The following MYO5B variants were observed in gnomAD, a reference collection of about 807,000 sequenced individuals.
MYO5B encodes myosin VB.
In MYO5B, 143 loss-of-function variants were observed where a neutral mutation model predicts 229.3. The ratio of observed to expected loss-of-function variants is 0.62; its 90% CI spans 0.54 to 0.72. The LOEUF is 0.72. MYO5B is among the 30% of genes least tolerant of loss of function. MYO5B has a pLI of 0.00. For synonymous variants in MYO5B, 918 were observed against 885.2 expected, an observed-to-expected ratio of 1.04 and a Z score of -0.66; for missense variants, 2,321 against 2,331.0, an observed-to-expected ratio of 1.00 and a Z score of 0.09.
At chr18:49,946,164 T>G (rs371913311) in intron 14 of MYO5B, 6 of 151,962 alleles carry the variant, frequency 3.9e-5, no homozygotes, top group African/African-American at 1.5e-4. Context: ...CAGGTACAGA[T>G]TGAGTATCCG....
chr18:49,837,482 T>A (rs1210932502), intron 37 of MYO5B, 35 bp downstream of exon 37: 1 of 1,612,750 alleles, frequency 6.2e-7, no homozygotes, highest in African/African-American at 1.3e-5. Flanking sequence ...GAGGGCCCAC[T>A]CTATCTGTGT....
intron 1 of MYO5B, among the ~76,000 whole-genome samples, chr18:50,078,790 G>A (rs2031147186): frequency 6.6e-6 from 1 of 151,834 alleles, no homozygotes; most frequent in East Asian, 1.9e-4. Flanking sequence ...ACAAGTACAA[G>A]ACTATGCCCA....
At chr18:50,096,791 C>T (rs1283574311) in intron 1 of MYO5B, among the ~76,000 whole-genome samples, 2 of 152,220 alleles carry the variant, frequency 1.3e-5, no homozygotes, top group African/African-American at 4.8e-5. Flanking sequence ...ATTTCCTCTT[C>T]TCAATGTCTC....
intron 5 of MYO5B, among the ~76,000 whole-genome samples, chr18:49,994,568 T>A (rs961196140): frequency 3.9e-5 from 6 of 152,178 alleles, no homozygotes; most frequent in African/African-American, 1.2e-4. Context: ...AAGGGCATCT[T>A]GGTGCTTGGA....
chr18:49,881,169 G>C (rs908403706), intron 22 of MYO5B, among the ~76,000 whole-genome samples: 1 of 152,140 alleles, frequency 6.6e-6, no homozygotes, highest in African/African-American at 2.4e-5. Context: ...AGTCCAACAG[G>C]GATTGGGTCC....
At chr18:50,151,483 C>G (rs899492760) in intron 1 of MYO5B, among the ~76,000 whole-genome samples, 1 of 152,126 alleles carries the variant, frequency 6.6e-6, no homozygotes, top group Non-Finnish European at 1.5e-5. Flanking sequence ...TATTCAAAGC[C>G]TTCTTGGATA....
At chr18:50,167,376 C>T (rs112180376) in intron 1 of MYO5B, among the ~76,000 whole-genome samples, 1,587 of 152,252 alleles carry the variant, frequency 0.01, 28 homozygotes, top group African/African-American at 0.036. Context: ...AATAAGAAGG[C>T]TTAAGTTTCA....
chr18:49,850,688 A>G (rs1453734287), intron 31 of MYO5B: 1 of 152,174 alleles, frequency 6.6e-6, no homozygotes, highest in African/African-American at 2.4e-5. Context: ...CTCTGTGGCT[A>G]CCGAAGGTCT....
At chr18:49,999,164 A>C (rs1011430977) in intron 5 of MYO5B, among the ~76,000 whole-genome samples, 9 of 152,242 alleles carry the variant, frequency 5.9e-5, no homozygotes, top group African/African-American at 2.2e-4. Flanking sequence ...CGTTTTGCTC[A>C]GAATAACTAC....
chr18:49,899,438 C>G (rs1477889393), intron 21 of MYO5B, among the ~76,000 whole-genome samples: 27 of 152,210 alleles, frequency 1.8e-4, no homozygotes, highest in Admixed American at 1.6e-3. Flanking sequence ...CAAGCAAGGA[C>G]AATGCTATCT....
chr18:49,966,161 A>G (rs2025623170), intron 10 of MYO5B, among the ~76,000 whole-genome samples: 1 of 152,202 alleles, frequency 6.6e-6, no homozygotes, highest in Middle Eastern at 3.2e-3. Flanking sequence ...GCCGGTGCCC[A>G]GAATACATCA....
At chr18:50,105,562 G>A (rs534681172) in intron 1 of MYO5B, among the ~76,000 whole-genome samples, 31 of 152,208 alleles carry the variant, frequency 2.0e-4, no homozygotes, top group African/African-American at 7.2e-4. Flanking sequence ...CGGAACTATA[G>A]TGATGGAGGA....
chr18:49,871,825 G>A (rs1252824308), intron 27 of MYO5B, among the ~76,000 whole-genome samples: 4 of 152,250 alleles, frequency 2.6e-5, no homozygotes, highest in East Asian at 1.9e-4. Context: ...CTGTTCTACC[G>A]CCCTGTCTCC....
At chr18:49,870,776 T>A (rs955937090) in intron 27 of MYO5B, among the ~76,000 whole-genome samples, 1 of 151,744 alleles carries the variant, frequency 6.6e-6, no homozygotes, top group Non-Finnish European at 1.5e-5. Flanking sequence ...AATAAATAAA[T>A]AAAAGAAAAG....
intron 3 of MYO5B, among the ~76,000 whole-genome samples, chr18:50,038,508 T>G (rs977388786): frequency 6.6e-6 from 1 of 152,228 alleles, no homozygotes; most frequent in Non-Finnish European, 1.5e-5. Flanking sequence ...TGGAGAATCC[T>G]CTTAGGAACA....
At position 49,964,571 on chromosome 18, in the gene MYO5B, C is replaced by G. The variant is rs113997530; in HGVS notation, c.1323-1541G>C. On this transcript the variant is annotated intron_variant, in intron 10 of 39. Coordinates refer to ENST00000285039, the MANE Select transcript of MYO5B (RefSeq NM_001080467.3). ...GGAGTCTGGGAATGGTAGTGTATCA[C>G]AGCTCTTTGGTCAACTGTGTAATGT... 5.8e-3 allele frequency among the ~76,000 whole-genome samples: 886 copies of G among 152,278 alleles called. 8 individuals are homozygous for G. The highest frequency in any genetic ancestry group is 0.02 in the African/African-American group (830 of 41,552).
chr18:50,162,563 G>C (rs550821337), intron 1 of MYO5B, among the ~76,000 whole-genome samples: 2 of 152,298 alleles, frequency 1.3e-5, no homozygotes, highest in African/African-American at 4.8e-5. Flanking sequence ...TGAGGGGAGA[G>C]AACACCAGAA....
At chr18:49,932,305 G>C (rs8087089) in intron 16 of MYO5B, among the ~76,000 whole-genome samples, 40,214 of 151,956 alleles carry the variant, frequency 0.26, 5,768 homozygotes, top group Middle Eastern at 0.38. Context: ...AGTTTTTGAG[G>C]GCAGGGTTGG....
At chr18:50,151,130 GCTTC>G (rs1279672955) in intron 1 of MYO5B, among the ~76,000 whole-genome samples, 5 of 152,168 alleles carry the variant, frequency 3.3e-5, no homozygotes, top group Non-Finnish European at 7.3e-5. Context: ...AGAGACATTG[GCTTC>G]CTTTTTACTC....
Sources: allele counts gnomAD v4.1 joint callset (sites outside exome capture counted in the v4.1 genomes callset), GRCh38; gene constraint gnomAD v4.1.1; transcripts MANE v1.5; gene names NCBI Gene and HGNC (gene_info 2026-07-23, HGNC 2026-07-21).